Variants in MAP3K19 observed in about 807,000 individuals in gnomAD.
The protein encoded by MAP3K19 is mitogen-activated protein kinase kinase kinase 19.
MAP3K19 carries 91 observed loss-of-function variants against 114.4 expected under a neutral mutation model. That is an observed-to-expected ratio of 0.80 (90% CI 0.67 to 0.95). The LOEUF is 0.95. Among genes scored for constraint, MAP3K19 ranks in the 40% least tolerant of loss-of-function variants. The pLI, the probability that MAP3K19 is intolerant of heterozygous loss-of-function variation, is 0.00. For missense variants in MAP3K19, 1,471 were observed against 1,573.2 expected (o/e 0.94, Z 1.10); for synonymous variants, 518 against 530.5 (o/e 0.98, Z 0.32).
chr2:135,045,876 C>T (rs895997388), intron 1 of MAP3K19, among the ~76,000 whole-genome samples: 17 of 151,734 alleles, frequency 1.1e-4, no homozygotes, highest in Admixed American at 4.6e-4. Flanking sequence ...ATAGCATTAT[C>T]CCTATATGCA....
At chr2:135,011,309 G>C (rs1360012796) in intron 5 of MAP3K19, among the ~76,000 whole-genome samples, 2 of 152,158 alleles carry the variant, frequency 1.3e-5, no homozygotes, top group African/African-American at 4.8e-5. Flanking sequence ...AGGCCAAGGC[G>C]GGTGGATCAC....
At chr2:134,966,884 T>C (rs952812718) in intron 12 of MAP3K19, among the ~76,000 whole-genome samples, 5 of 152,192 alleles carry the variant, frequency 3.3e-5, no homozygotes, top group African/African-American at 1.2e-4. Flanking sequence ...GGAAGGGCAG[T>C]TCAGTGAGTG....
chr2:134,985,188 G>C (rs1685007326), intron 10 of MAP3K19, among the ~76,000 whole-genome samples: 1 of 152,192 alleles, frequency 6.6e-6, no homozygotes, highest in Non-Finnish European at 1.5e-5. Context: ...TCTTATTTCA[G>C]GATTTTTGCT....
Position 134,986,723 on chromosome 2 carries a change from A to T in MAP3K19, c.2149T>A (p.Ser717Thr), listed in dbSNP as rs766477419. ...ERKSNIRTRL[S>T]QKKTHMKCPK... is the part of the protein sequence containing the mutation. Reference sequence around the variant, plus strand: ...CATTTCATATGTGTTTTTTTCTGAGAAAGTCTTGTTCTGATATTGCTCTTC... The same window carrying T: ...CATTTCATATGTGTTTTTTTCTGAGTAAGTCTTGTTCTGATATTGCTCTTC... Residue 717 changes from serine (S) to threonine (T), a missense_variant, in exon 10 of 13, where the codon TCT (serine) becomes ACT (threonine). By Grantham distance (58) the Ser-to-Thr change is moderately conservative. Transcript: ENST00000392915. The T allele has an allele frequency of 6.2e-7, 1 of 1,614,100 alleles. No homozygotes were observed. Among genetic ancestry groups the T allele is most frequent in the East Asian group, 2.2e-5 (1 of 44,874 alleles).
At chr2:135,035,016 C>G (rs980928096) in intron 2 of MAP3K19, among the ~76,000 whole-genome samples, 1 of 151,876 alleles carries the variant, frequency 6.6e-6, no homozygotes, top group African/African-American at 2.4e-5. Flanking sequence ...CATGAATGAA[C>G]CTTGAAAACA....
intron 1 of MAP3K19, 35 bp downstream of exon 1, chr2:135,047,150 T>C (rs1170794468): frequency 6.6e-6 from 1 of 152,200 alleles, no homozygotes; most frequent in Non-Finnish European, 1.5e-5. Flanking sequence ...ATACAGTTTA[T>C]CTAAAATGAG....
chr2:135,033,597 A>C (rs1380630061), intron 2 of MAP3K19, among the ~76,000 whole-genome samples: 1 of 70,308 alleles, frequency 1.4e-5, no homozygotes, highest in Non-Finnish European at 2.4e-5. Flanking sequence ...CCGCCCTCCC[A>C]GACGGGGCGG....
chr2:135,023,188 T>C (rs1471249424), intron 4 of MAP3K19: 3 of 284,182 alleles, frequency 1.1e-5, no homozygotes, highest in African/African-American at 6.6e-5. Context: ...ATCCTGCCAT[T>C]GAAACGTCTC....
intron 5 of MAP3K19, among the ~76,000 whole-genome samples, chr2:135,010,811 T>G (rs953446361): frequency 1.3e-5 from 2 of 152,026 alleles, no homozygotes; most frequent in Non-Finnish European, 2.9e-5. Flanking sequence ...TTAATTTTTT[T>G]GTAGAGACAA....
intron 2 of MAP3K19, among the ~76,000 whole-genome samples, chr2:135,038,840 C>A (rs13389481): frequency 0.26 from 39,167 of 150,910 alleles, 6,946 homozygotes; most frequent in African/African-American, 0.48. Context: ...CCTGGGCTAC[C>A]GAGTGAGACT....
intron 6 of MAP3K19, among the ~76,000 whole-genome samples, chr2:135,000,706 G>GATA (rs1465151920): frequency 1.3e-5 from 2 of 152,200 alleles, no homozygotes; most frequent in Non-Finnish European, 2.9e-5. Flanking sequence ...AATGCAGTGA[G>GATA]ATAAGCACTG....
intron 8 of MAP3K19, among the ~76,000 whole-genome samples, chr2:134,994,422 A>T (rs563944186): frequency 8.5e-5 from 13 of 152,334 alleles, no homozygotes; most frequent in African/African-American, 2.9e-4. Context: ...CCTGTCCCCT[A>T]TGAGGAGTTA....
At chr2:135,025,928 C>T (rs1011973363) in intron 3 of MAP3K19, among the ~76,000 whole-genome samples, 48 of 152,188 alleles carry the variant, frequency 3.2e-4, no homozygotes, top group African/African-American at 1.2e-3. Flanking sequence ...ATGAAACTTG[C>T]TTTACTTATC....
At chr2:135,020,722 T>C (rs1687912992) in intron 5 of MAP3K19, among the ~76,000 whole-genome samples, 1 of 152,186 alleles carries the variant, frequency 6.6e-6, no homozygotes, top group South Asian at 2.1e-4. Flanking sequence ...GTTCTTGTGA[T>C]AGTGGGGGAG....
At chr2:134,968,548 C>T (rs1476732321) in intron 12 of MAP3K19, among the ~76,000 whole-genome samples, 34 of 149,926 alleles carry the variant, frequency 2.3e-4, no homozygotes, top group Non-Finnish European at 4.0e-4. Context: ...TCCTCACTTC[C>T]CAGACGGGGT....
In MAP3K19 at chr2:134,987,797, G is replaced by A. The variant is rs1381513581; in HGVS notation, c.1075C>T (p.Pro359Ser). 1 of 1,607,340 alleles carries A rather than the reference G, an allele frequency of 6.2e-7. No homozygotes were observed. Among genetic ancestry groups the A allele is most frequent in the South Asian group, 1.1e-5 (1 of 91,066 alleles). The change falls in exon 10 of 13, where the codon CCT becomes TCT. Residue 359 changes from proline (P) to serine (S), a missense_variant. By Grantham distance (74) the Pro-to-Ser change is moderately conservative. Transcript: ENST00000392915. ...IDCHGSKTRK[P>S]EEENSQYLSS... ...AGATATTGAGAGTTCTCTTCTTCAG[G>A]TTTTCGCGTTTTACTACCATGGCAG...
intron 5 of MAP3K19, among the ~76,000 whole-genome samples, chr2:135,021,475 C>CAT (rs2105369733): frequency 7.4e-6 from 1 of 134,650 alleles, no homozygotes; most frequent in South Asian, 2.3e-4. Context: ...CACACACATA[C>CAT]ACACACACAC....
At chr2:134,983,167 T>C (rs769452621) in intron 11 of MAP3K19, 7 of 532,032 alleles carry the variant, frequency 1.3e-5, no homozygotes, top group Admixed American at 7.8e-5. Context: ...TCTGACTGTA[T>C]GTTTGTACCC....
chr2:134,996,875 A>AAAAC (rs1226622280), intron 8 of MAP3K19, among the ~76,000 whole-genome samples: 15 of 152,180 alleles, frequency 9.9e-5, no homozygotes, highest in African/African-American at 3.4e-4. Flanking sequence ...TCTGTACCAA[A>AAAAC]AAACAAACAA....
Sources: allele counts gnomAD v4.1 joint callset (sites outside exome capture counted in the v4.1 genomes callset), GRCh38; gene constraint gnomAD v4.1.1; transcripts MANE v1.5; gene names NCBI Gene and HGNC (gene_info 2026-07-23, HGNC 2026-07-21).